The following CDK15 variants were observed in gnomAD, a reference collection of about 807,000 sequenced individuals.
The protein encoded by CDK15 is cyclin dependent kinase 15.
CDK15 carries 62 observed loss-of-function variants against 60.3 expected under a neutral mutation model. The ratio of observed to expected loss-of-function variants is 1.03; its 90% CI spans 0.84 to 1.27. The LOEUF is 1.27. Among genes scored for constraint, CDK15 ranks in the 50% most tolerant of loss-of-function variants. The pLI, the probability that CDK15 is intolerant of heterozygous loss-of-function variation, is 0.00. For missense variants in CDK15, 541 were observed against 527.8 expected, an observed-to-expected ratio of 1.03 and a Z score of -0.25; for synonymous variants, 194 against 195.7, an observed-to-expected ratio of 0.99 and a Z score of 0.07.
At chr2:201,889,361 T>C in intron 12 of CDK15, 1 of 982,846 alleles carries the variant, frequency 1.0e-6, no homozygotes, top group Non-Finnish European at 1.2e-6. Flanking sequence ...ACAATGTGGC[T>C]GCTGCCTCTT....
intron 11 of CDK15, among the ~76,000 whole-genome samples, chr2:201,878,855 A>T (rs1327180803): frequency 6.6e-6 from 1 of 152,176 alleles, no homozygotes; most frequent in Non-Finnish European, 1.5e-5. Context: ...TTATAACCTA[A>T]TTACCTCCCA....
At chr2:201,868,274 AC>A (rs1487435138) in intron 10 of CDK15, among the ~76,000 whole-genome samples, 1 of 152,212 alleles carries the variant, frequency 6.6e-6, no homozygotes, top group Non-Finnish European at 1.5e-5. Flanking sequence ...TTACTATCCT[AC>A]TTTCACAACC....
At chr2:201,879,991 GC>G (rs773541432) in intron 11 of CDK15, 36 bp from the exon 12 acceptor site, 157 of 1,607,650 alleles carry the variant, frequency 9.8e-5, no homozygotes, top group Non-Finnish European at 1.2e-4. Context: ...AAGGGAGGCT[GC>G]TGGAGAAACT....
Position 201,872,332 on chromosome 2 carries a change from T to C in CDK15, c.1058+6T>C. On this transcript the variant is annotated splice_donor_region_variant and intron_variant, in intron 11 of 13. Transcript: ENST00000652192. ...CTTCATGTTGTCTGGAACAGGTGAG[T>C]ACTACCTCAGGAAGGGATCTTTAAG... is the stretch of plus-strand genomic sequence containing the variant. 1.2e-6 allele frequency: 2 copies of C among 1,613,566 alleles called. No homozygotes were observed. Among genetic ancestry groups the C allele is most frequent in the Admixed American group, 1.7e-5 (1 of 59,992 alleles).
Position 201,880,134 on chromosome 2 carries a change from G to A in CDK15, c.1165G>A (p.Ala389Thr), listed in dbSNP as rs1291395821. 3.7e-6 allele frequency: 6 copies of A among 1,613,870 alleles called. No homozygotes were observed. In the African/African-American group the frequency reaches 5.3e-5, roughly 14 times the overall value. The change falls in exon 12 of 14, where the codon GCC (alanine) becomes ACC (threonine). Residue 389 changes from alanine to threonine, a missense_variant. Coordinates refer to ENST00000652192, the MANE Select transcript of CDK15 (RefSeq NM_001366386.2). Reference protein sequence around the residue: ...QEALVHDYFSALPSQLYQLPD... With the variant: ...QEALVHDYFSTLPSQLYQLPD... ...AGCACTTGTTCATGATTATTTCAGC[G>A]CCCTGCCATCTCAGCTGTACCAGCT...
At chr2:201,843,653 G>A (rs1315628999) in intron 8 of CDK15, among the ~76,000 whole-genome samples, 1 of 152,086 alleles carries the variant, frequency 6.6e-6, no homozygotes, top group Non-Finnish European at 1.5e-5. Flanking sequence ...CATAGTGTGT[G>A]TGCATGTGCG....
At chr2:201,821,786 T>A (rs569347645) in intron 4 of CDK15, among the ~76,000 whole-genome samples, 1 of 152,240 alleles carries the variant, frequency 6.6e-6, no homozygotes, top group African/African-American at 2.4e-5. Flanking sequence ...TTCTCTTGCC[T>A]CAGCTTCCCG....
At chr2:201,859,978 A>G (rs1013536353) in intron 10 of CDK15, among the ~76,000 whole-genome samples, 1 of 152,218 alleles carries the variant, frequency 6.6e-6, no homozygotes, top group African/African-American at 2.4e-5. Context: ...CCATCTCATT[A>G]GATGCAAAGA....
intron 6 of CDK15, among the ~76,000 whole-genome samples, chr2:201,826,730 A>T (rs1260327033): frequency 6.6e-6 from 1 of 152,234 alleles, no homozygotes; most frequent in African/African-American, 2.4e-5. Flanking sequence ...AAATAAATGG[A>T]TGAGAAGAGA....
intron 6 of CDK15, among the ~76,000 whole-genome samples, chr2:201,833,504 T>A (rs1487536431): frequency 6.6e-6 from 1 of 152,090 alleles, no homozygotes; most frequent in Non-Finnish European, 1.5e-5. Context: ...GGAAAAAAAT[T>A]AAATCTTTCA....
chr2:201,859,906 T>C (rs1043249075), intron 10 of CDK15, among the ~76,000 whole-genome samples: 2 of 152,188 alleles, frequency 1.3e-5, no homozygotes, highest in Non-Finnish European at 2.9e-5. Flanking sequence ...ATCAACTAAA[T>C]ATTTAGACAT....
intron 10 of CDK15, among the ~76,000 whole-genome samples, chr2:201,861,752 G>A (rs1042138805): frequency 6.6e-6 from 1 of 151,850 alleles, no homozygotes; most frequent in African/African-American, 2.4e-5. Context: ...GTAGAGACAG[G>A]GTTTCACCAT....
Position 201,807,910 on chromosome 2 carries a change from T to C in CDK15, c.326T>C (p.Leu109Pro). The C allele has an allele frequency of 6.2e-7, 1 of 1,614,164 alleles. No homozygotes were observed. The highest frequency in any genetic ancestry group is 8.5e-7 in the Non-Finnish European group (1 of 1,180,030). The change falls in exon 3 of 14, where the codon CTG (leucine) becomes CCG (proline). Residue 109 changes from leucine (L) to proline (P), a missense_variant. By Grantham distance (98) the Leu-to-Pro change is moderately conservative. Transcript: ENST00000652192. ...TCATCTTACTTGAACTTGGAGAAGC[T>C]GGGTGAAGGCTCTTATGCGACAGTT... ...AASSYLNLEK[L>P]GEGSYATVYK...
At position 201,882,341 on chromosome 2, in the gene CDK15, C is replaced by CG. The variant is rs756956001; in HGVS notation, c.1198+2179dup. On this transcript the variant is annotated intron_variant, in intron 12 of 13. Transcript: ENST00000652192. The surrounding 1 kb of genome is among the most constrained non-coding windows in gnomAD (Gnocchi z 4.0). Reference sequence around the variant, plus strand: ...TCTTGTAGGAGGCTGCCTGCACTAGCGGGGGAAACCAGGAGTGCTCACAGC... The same window carrying CG: ...TCTTGTAGGAGGCTGCCTGCACTAGCGGGGGGAAACCAGGAGTGCTCACAGC... Among the ~76,000 whole-genome samples the CG allele has an allele frequency of 3.9e-5, 6 of 152,096 alleles. No homozygotes were observed. The highest frequency in any genetic ancestry group is 1.9e-4 in the East Asian group (1 of 5,194).
intron 8 of CDK15, among the ~76,000 whole-genome samples, chr2:201,846,787 A>AG (rs1352115574): frequency 2.6e-5 from 4 of 152,192 alleles, no homozygotes; most frequent in African/African-American, 9.7e-5. Context: ...TACATGGGTA[A>AG]GTGTAGACAT....
chr2:201,891,043 T>G (rs1699624986), intron 13 of CDK15, 116 bp downstream of exon 13: 3 of 576,718 alleles, frequency 5.2e-6, no homozygotes, highest in African/African-American at 1.9e-5. Flanking sequence ...CTAGTTCTTC[T>G]TCGCCAGCTC....
rs1699718853 is a variant in CDK15, at chr2:201,894,298, G to A, written c.*1031G>A. The A allele has an allele frequency of 6.6e-6, 1 of 152,148 alleles. No individual in the cohort carries two copies. The highest frequency in any genetic ancestry group is 2.1e-4 in the South Asian group (1 of 4,828). 9.4% of individuals were successfully genotyped at this position (152,148 alleles called of 1,614,324 possible). A position where few individuals can be genotyped will look rare whatever the true frequency, so the allele number is the denominator to read the frequency against. On this transcript the variant is annotated 3_prime_UTR_variant, in exon 14 of 14. Coordinates refer to ENST00000652192, the MANE Select transcript of CDK15 (RefSeq NM_001366386.2). ...GGAAGAGCAAGGAGGAACTAATTAA[G>A]AGATAATTAAAAAATAGTAACTATC...
At chr2:201,824,716 G>A (rs1307703368) in intron 6 of CDK15, 3 of 502,226 alleles carry the variant, frequency 6.0e-6, no homozygotes, top group African/African-American at 4.1e-5. Flanking sequence ...ATCAGCGCTA[G>A]CAAAATGGCA....
intron 8 of CDK15, among the ~76,000 whole-genome samples, chr2:201,839,989 TTTTTG>T (rs1257680287): frequency 6.6e-6 from 1 of 151,120 alleles, no homozygotes; most frequent in Admixed American, 6.6e-5. Context: ...TTTGTTTTTG[TTTTTG>T]TTTTTTTTGA....
Sources: allele counts gnomAD v4.1 joint callset (sites outside exome capture counted in the v4.1 genomes callset), GRCh38; gene constraint gnomAD v4.1.1; non-coding constraint Gnocchi (gnomAD v3.1); transcripts MANE v1.5; gene names NCBI Gene and HGNC (gene_info 2026-07-23, HGNC 2026-07-21).